COL23A1: variants seen among roughly 807,000 people sequenced by gnomAD.
COL23A1 encodes the protein collagen alpha-1(XXIII) chain.
In COL23A1, 97 loss-of-function variants were observed where a neutral mutation model predicts 99.3. The ratio of observed to expected loss-of-function variants is 0.98; its 90% CI spans 0.83 to 1.16. The LOEUF (loss-of-function observed/expected upper bound fraction) is 1.16. COL23A1 is among the 50% of genes most tolerant of loss of function. COL23A1 has a pLI of 0.00. For synonymous variants in COL23A1, 320 were observed against 308.2 expected (o/e 1.04, Z -0.40); for missense variants, 762 against 757.4 (o/e 1.01, Z -0.07).
rs1051183247 is a variant in COL23A1 at position 178,327,039 on chromosome 5, C to T, written c.362-20120G>A. ...GGCCAAAAATGACTCAATTCTTATT[C>T]GGGGGTGAATGAATGACTTTATTCA... On this transcript the variant is annotated intron_variant, in intron 2 of 28. Coordinates refer to ENST00000390654, the MANE Select transcript of COL23A1 (RefSeq NM_173465.4). Among the ~76,000 whole-genome samples, 16 of 152,198 alleles carry T rather than the reference C, an allele frequency of 1.1e-4. 1 individual carries two copies. The highest frequency in any genetic ancestry group is 3.1e-4 in the African/African-American group (13 of 41,470).
intron 2 of COL23A1, among the ~76,000 whole-genome samples, chr5:178,314,215 G>A (rs555575446): frequency 2.8e-5 from 3 of 108,092 alleles, no homozygotes; most frequent in East Asian, 2.1e-4. Context: ...AGTTCATTCC[G>A]AAGCTGCTTA....
chr5:178,492,279 G>C (rs187880666), intron 2 of COL23A1, among the ~76,000 whole-genome samples: 79 of 152,256 alleles, frequency 5.2e-4, no homozygotes, highest in African/African-American at 1.8e-3. Context: ...CAGTACCTCT[G>C]TTTAAAGAGG....
intron 2 of COL23A1, among the ~76,000 whole-genome samples, chr5:178,369,608 T>C (rs969918563): frequency 6.6e-6 from 1 of 152,318 alleles, no homozygotes; most frequent in East Asian, 1.9e-4. Context: ...CGTGCTGTTC[T>C]TGTGACAGTG....
rs556295565 is a variant in COL23A1 at position 178,280,878 on chromosome 5, C to T, written c.441+7446G>A. Among the ~76,000 whole-genome samples, 66 of 152,272 alleles carry T rather than the reference C, an allele frequency of 4.3e-4. No individual in the cohort carries two copies. Among genetic ancestry groups the T allele is most frequent in the Non-Finnish European group, 7.2e-4 (49 of 68,020 alleles). On this transcript the variant is annotated intron_variant, in intron 5 of 28. Coordinates refer to ENST00000390654, the MANE Select transcript of COL23A1 (RefSeq NM_173465.4). This position sits in a 1 kb window ranked among gnomAD's most constrained non-coding sequence, Gnocchi z 4.9. ...GCAGATACAGGAGGCATCTGGGAGC[C>T]GAGGGCGGAGCAGCAGCTCGGGCCC...
intron 2 of COL23A1, among the ~76,000 whole-genome samples, chr5:178,450,288 G>A (rs1286027208): frequency 2.6e-5 from 4 of 152,288 alleles, no homozygotes; most frequent in East Asian, 1.9e-4. Context: ...TAAGAAAAAC[G>A]TTAGGATGGC....
At chr5:178,349,409 C>A (rs1007491250) in intron 2 of COL23A1, among the ~76,000 whole-genome samples, 10 of 152,172 alleles carry the variant, frequency 6.6e-5, no homozygotes, top group African/African-American at 2.4e-4. Context: ...GATGCTGTGA[C>A]TGGCTTCCTT....
At chr5:178,347,140 GC>G (rs1455570067) in intron 2 of COL23A1, among the ~76,000 whole-genome samples, 4 of 152,174 alleles carry the variant, frequency 2.6e-5, no homozygotes, top group African/African-American at 9.7e-5. Context: ...AGCCGCACTG[GC>G]CCGAGACCTT....
At chr5:178,489,319 C>T (rs1757803151) in intron 2 of COL23A1, among the ~76,000 whole-genome samples, 1 of 152,228 alleles carries the variant, frequency 6.6e-6, no homozygotes, top group Non-Finnish European at 1.5e-5. Flanking sequence ...CCTTTGGACT[C>T]TGCAACCCCC....
intron 2 of COL23A1, among the ~76,000 whole-genome samples, chr5:178,411,247 C>T (rs1393177652): frequency 6.6e-6 from 1 of 152,164 alleles, no homozygotes; most frequent in Non-Finnish European, 1.5e-5. Context: ...GGTGGTTCCT[C>T]AAAATCTTAA....
intron 5 of COL23A1, among the ~76,000 whole-genome samples, chr5:178,282,679 T>C (rs546241418): frequency 1.3e-5 from 2 of 152,290 alleles, no homozygotes; most frequent in African/African-American, 4.8e-5. Flanking sequence ...TAGCCTCCCA[T>C]GGTGAGACGG....
chr5:178,326,301 TC>T (rs1179246702), intron 2 of COL23A1, among the ~76,000 whole-genome samples: 1 of 151,942 alleles, frequency 6.6e-6, no homozygotes, highest in East Asian at 1.9e-4. Context: ...TTTCTGAACG[TC>T]CCTAAACACA....
intron 2 of COL23A1, among the ~76,000 whole-genome samples, chr5:178,394,105 A>G (rs1277493178): frequency 1.3e-5 from 2 of 152,208 alleles, no homozygotes; most frequent in Non-Finnish European, 2.9e-5. Flanking sequence ...GGAGGGCAGG[A>G]GGAAGGGAAG....
rs530337519 is a variant in COL23A1 at position 178,584,391 on chromosome 5, G to C, written c.294+5513C>G. 5.3e-5 allele frequency among the ~76,000 whole-genome samples: 8 copies of C among 151,232 alleles called. No individual in the cohort carries two copies. The South Asian group carries it at 1.7e-3, about 32-fold the overall frequency. ...TTTTTTCTTTTTTTTAAATAGAGAC[G>C]AGGTCTTGCTATATCATCCAAACTG... On this transcript the variant is annotated intron_variant, in intron 1 of 28. Transcript: ENST00000390654.
At chr5:178,285,703 C>T (rs775998369) in intron 5 of COL23A1, among the ~76,000 whole-genome samples, 2 of 152,348 alleles carry the variant, frequency 1.3e-5, no homozygotes, top group East Asian at 1.9e-4. Flanking sequence ...CTCAAAGCCA[C>T]GGTGATCCTC....
intron 2 of COL23A1, among the ~76,000 whole-genome samples, chr5:178,488,681 T>TAA (rs11297354): frequency 6.3e-4 from 85 of 135,374 alleles, no homozygotes; most frequent in African/African-American, 2.0e-3. Flanking sequence ...TATGACTCTT[T>TAA]AAAAAAAAAA....
chr5:178,276,280 C>T (rs542122062), intron 5 of COL23A1, among the ~76,000 whole-genome samples: 2 of 93,574 alleles, frequency 2.1e-5, no homozygotes, highest in South Asian at 5.7e-4. Flanking sequence ...AACAAATAAA[C>T]TGGCCGCGTT....
At chr5:178,426,504 C>T (rs535429391) in intron 2 of COL23A1, among the ~76,000 whole-genome samples, 2 of 152,346 alleles carry the variant, frequency 1.3e-5, no homozygotes, top group Admixed American at 6.5e-5. Context: ...CTTCCACCTG[C>T]GATCGCGCTC....
chr5:178,266,337 G>A (rs756181005), intron 8 of COL23A1, among the ~76,000 whole-genome samples: 13 of 152,050 alleles, frequency 8.5e-5, no homozygotes, highest in Admixed American at 6.6e-4. Context: ...CACCTCGCCC[G>A]GCCATTAAGC....
intron 2 of COL23A1, among the ~76,000 whole-genome samples, chr5:178,531,183 G>T (rs1292194800): frequency 6.6e-6 from 1 of 152,178 alleles, no homozygotes; most frequent in Non-Finnish European, 1.5e-5. Context: ...AGCATTTTAA[G>T]CTATGAACTT....
Sources: allele counts gnomAD v4.1 joint callset (sites outside exome capture counted in the v4.1 genomes callset), GRCh38; gene constraint gnomAD v4.1.1; non-coding constraint Gnocchi (gnomAD v3.1); transcripts MANE v1.5; gene names NCBI Gene and HGNC (gene_info 2026-07-23, HGNC 2026-07-21).